The following RBFOX1 variants were observed in gnomAD, a reference collection of about 807,000 sequenced individuals.
RBFOX1 encodes RNA binding fox-1 homolog 1.
A neutral mutation model predicts 57.7 loss-of-function variants in RBFOX1; 8 were observed. That is an observed-to-expected ratio of 0.14 (90% CI 0.08 to 0.25). RBFOX1 has a LOEUF of 0.25. Ranked by LOEUF, RBFOX1 falls within the 10% of genes least tolerant of loss-of-function variation. The pLI, the probability that RBFOX1 is intolerant of heterozygous loss-of-function variation, is 1.00. For synonymous variants in RBFOX1, 326 were observed against 222.4 expected, an observed-to-expected ratio of 1.47 and a Z score of -4.15; for missense variants, 611 against 548.5, an observed-to-expected ratio of 1.11 and a Z score of -1.14.
chr16:5,388,325 A>G (rs1364905795), intron 1 of RBFOX1, among the ~76,000 whole-genome samples: 1 of 152,096 alleles, frequency 6.6e-6, no homozygotes, highest in African/African-American at 2.4e-5. Context: ...GCTTCGGACA[A>G]AGGCTGATCT....
chr16:5,588,855 T>C (rs79649481), intron 2 of RBFOX1, among the ~76,000 whole-genome samples: 4,028 of 152,272 alleles, frequency 0.026, 175 homozygotes, highest in African/African-American at 0.089. Context: ...GACAGGATTT[T>C]GCAGGTGGAG....
Position 7,518,158 on chromosome 16 carries a change from A to G in RBFOX1, c.39A>G (p.Glu13=). The change falls in exon 5 of 16, where the codon GAA becomes GAG. Residue 13 remains glutamate, a synonymous_variant. Transcript: ENST00000550418. ...TTTTGATTTTTCAGGGTAATCAGGA[A>G]GCAGCCGCTGCCCCTGACACAATGG... ...CEREQLRGNQ[E]AAAAPDTMAQ... The G allele has an allele frequency of 1.2e-6, 2 of 1,611,002 alleles. No homozygotes were observed. Among genetic ancestry groups the G allele is most frequent in the East Asian group, 2.2e-5 (1 of 44,808 alleles).
intron 1 of RBFOX1, among the ~76,000 whole-genome samples, chr16:5,317,668 C>T (rs1020524256): frequency 5.3e-5 from 8 of 152,192 alleles, no homozygotes; most frequent in African/African-American, 1.9e-4. Flanking sequence ...CCTGAAAGTG[C>T]CTCATTCAGT....
intron 14 of RBFOX1, among the ~76,000 whole-genome samples, chr16:7,701,336 C>T (rs960660152): frequency 6.6e-6 from 1 of 151,958 alleles, no homozygotes; most frequent in African/African-American, 2.4e-5. Context: ...TTCCTGTTTG[C>T]AGCCGCCCCC....
intron 5 of RBFOX1, among the ~76,000 whole-genome samples, chr16:7,527,389 A>C (rs2078941212): frequency 6.6e-6 from 1 of 152,102 alleles, no homozygotes; most frequent in South Asian, 2.1e-4. Context: ...AAAATGAATG[A>C]TTTATCCCAA....
chr16:5,395,458 A>G (rs1048852057), intron 1 of RBFOX1, among the ~76,000 whole-genome samples: 1 of 152,322 alleles, frequency 6.6e-6, no homozygotes, highest in South Asian at 2.1e-4. Context: ...GGAGTTCTTC[A>G]GACTTGGCTT....
chr16:6,523,233 G>C (rs900212572), intron 2 of RBFOX1, among the ~76,000 whole-genome samples: 2 of 151,964 alleles, frequency 1.3e-5, no homozygotes, highest in African/African-American at 4.8e-5. Flanking sequence ...CAAGTACTTG[G>C]GAAATACCTG....
At chr16:7,249,941 ACT>A (rs2094446933) in intron 4 of RBFOX1, among the ~76,000 whole-genome samples, 1 of 152,182 alleles carries the variant, frequency 6.6e-6, no homozygotes, top group Admixed American at 6.5e-5. Flanking sequence ...TGTTTAAGAG[ACT>A]CTTTCTCTAA....
At chr16:5,799,310 C>CT (rs373903209) in intron 3 of RBFOX1, among the ~76,000 whole-genome samples, 2 of 152,164 alleles carry the variant, frequency 1.3e-5, no homozygotes, top group African/African-American at 4.8e-5. Flanking sequence ...ATTATGGGAG[C>CT]TACAAGTAAG....
chr16:7,154,837 G>A (rs530405986), intron 4 of RBFOX1, among the ~76,000 whole-genome samples: 1 of 152,026 alleles, frequency 6.6e-6, no homozygotes, highest in Non-Finnish European at 1.5e-5. Context: ...TTCAACAACT[G>A]TATGAAGTTT....
intron 2 of RBFOX1, among the ~76,000 whole-genome samples, chr16:6,562,208 G>C (rs1354162978): frequency 6.6e-6 from 1 of 152,202 alleles, no homozygotes; most frequent in Non-Finnish European, 1.5e-5. Flanking sequence ...TTGGGTGCCA[G>C]CCCTCTGAAC....
Position 7,019,495 on chromosome 16 carries a change from C to G in RBFOX1, c.-15-32562C>G, listed in dbSNP as rs930021967. Among the ~76,000 whole-genome samples the G allele has an allele frequency of 1.2e-4, 18 of 152,256 alleles. No individual in the cohort carries two copies. The East Asian group carries it at 2.9e-3, about 24-fold the overall frequency. On this transcript the variant is annotated intron_variant, in intron 3 of 15. Coordinates refer to ENST00000550418, the MANE Select transcript of RBFOX1 (RefSeq NM_018723.4). ...TTTTTGTTAAGTTGTCAAAAGCTCT[C>G]TTGTCTGAACCCCTGAGCCCATGGT...
intron 3 of RBFOX1, among the ~76,000 whole-genome samples, chr16:6,738,332 A>T (rs187347794): frequency 3.9e-4 from 59 of 152,030 alleles, no homozygotes; most frequent in Non-Finnish European, 1.2e-4. Flanking sequence ...AGCCTGGAGT[A>T]CTCCCTGTAT....
chr16:7,266,082 C>G (rs560925774), intron 4 of RBFOX1, among the ~76,000 whole-genome samples: 2 of 148,136 alleles, frequency 1.4e-5, no homozygotes, highest in South Asian at 2.2e-4. Context: ...TCACGCCATT[C>G]TCCTGCCTCA....
chr16:6,248,111 A>G (rs889422327), intron 1 of RBFOX1, among the ~76,000 whole-genome samples: 1 of 152,144 alleles, frequency 6.6e-6, no homozygotes, highest in Non-Finnish European at 1.5e-5. Flanking sequence ...TATTCCTTCC[A>G]TAATAGGAGC....
chr16:5,784,795 A>G (rs2054443878), intron 3 of RBFOX1, among the ~76,000 whole-genome samples: 1 of 152,140 alleles, frequency 6.6e-6, no homozygotes, highest in Non-Finnish European at 1.5e-5. Flanking sequence ...TTTTTCTGCC[A>G]TGTGAGGACA....
intron 3 of RBFOX1, among the ~76,000 whole-genome samples, chr16:6,892,775 C>CCTCCCTCTCTCTCTCT (rs2065795759): frequency 1.2e-5 from 1 of 84,662 alleles, no homozygotes; most frequent in African/African-American, 5.1e-5. Flanking sequence ...TCCCTGTCTC[C>CCTCCCTCTCTCTCTCT]CTCTCTCTCT....
At chr16:7,423,376 C>T (rs1055602022) in intron 4 of RBFOX1, among the ~76,000 whole-genome samples, 1 of 151,560 alleles carries the variant, frequency 6.6e-6, no homozygotes, top group African/African-American at 2.4e-5. Flanking sequence ...GGGGTGCAGG[C>T]AGGGGAGATA....
chr16:5,866,221 G>A lies in RBFOX1; in HGVS notation c.319-1082G>A, dbSNP rs150216749. ...TGACCTCACATGATCCACCTATCTC[G>A]GCCTCCCAAAGTTCTGGGATTATAG... is the stretch of plus-strand genomic sequence containing the variant. On this transcript the variant is annotated intron_variant, in intron 3 of 19. Transcript: ENST00000641259. 1.9e-3 allele frequency among the ~76,000 whole-genome samples: 289 copies of A among 152,220 alleles called. 1 individual carries two copies. Among genetic ancestry groups the A allele is most frequent in the Middle Eastern group, 6.8e-3 (2 of 294 alleles).
Sources: allele counts gnomAD v4.1 joint callset (sites outside exome capture counted in the v4.1 genomes callset), GRCh38; gene constraint gnomAD v4.1.1; transcripts MANE v1.5; gene names NCBI Gene and HGNC (gene_info 2026-07-23, HGNC 2026-07-21).